The following DNER variants were observed in gnomAD, a reference collection of about 807,000 sequenced individuals.
DNER encodes the protein delta/notch like EGF repeat containing.
DNER carries 33 observed loss-of-function variants against 78.2 expected under a neutral mutation model. That is an observed-to-expected ratio of 0.42 (90% CI 0.32 to 0.56). DNER has a LOEUF of 0.56. Among genes scored for constraint, DNER ranks in the 20% least tolerant of loss-of-function variants. The probability of loss-of-function intolerance (pLI) is 0.11; values close to 1 mark genes in which losing one functional copy is unlikely to be tolerated. For synonymous variants in DNER, 417 were observed against 384.8 expected (o/e 1.08, Z -0.98); for missense variants, 918 against 975.3 (o/e 0.94, Z 0.78).
intron 1 of DNER, among the ~76,000 whole-genome samples, chr2:229,615,559 A>G (rs1698140392): frequency 6.6e-6 from 1 of 152,044 alleles, no homozygotes; most frequent in Non-Finnish European, 1.5e-5. Flanking sequence ...AATACAAAAA[A>G]AAATTAGCCG....
At chr2:229,457,189 T>G (rs1426457904) in intron 7 of DNER, among the ~76,000 whole-genome samples, 2 of 152,114 alleles carry the variant, frequency 1.3e-5, no homozygotes, top group South Asian at 2.1e-4. Context: ...TTAAGCTGAA[T>G]AGAAACAATA....
At chr2:229,451,682 G>A (rs1171195614) in intron 7 of DNER, among the ~76,000 whole-genome samples, 3 of 152,156 alleles carry the variant, frequency 2.0e-5, no homozygotes, top group Non-Finnish European at 1.5e-5. Flanking sequence ...GGCAGAGCTG[G>A]GACACCAAGG....
intron 1 of DNER, among the ~76,000 whole-genome samples, chr2:229,606,978 G>A (rs1205461231): frequency 1.3e-5 from 2 of 151,998 alleles, no homozygotes; most frequent in African/African-American, 4.8e-5. Context: ...TCACAATACA[G>A]GACACATGGG....
intron 6 of DNER, among the ~76,000 whole-genome samples, chr2:229,495,119 T>C (rs6748056): frequency 0.066 from 10,021 of 152,284 alleles, 981 homozygotes; most frequent in African/African-American, 0.22. Flanking sequence ...TCCTTTTCAA[T>C]GCATCTCTCT....
chr2:229,597,105 A>G (rs200891660), intron 1 of DNER, among the ~76,000 whole-genome samples: 2,507 of 63,962 alleles, frequency 0.039, 76 homozygotes, highest in African/African-American at 0.11. Context: ...ACACACATGC[A>G]CACACACATG....
At position 229,377,433 on chromosome 2, in the gene DNER, A is replaced by C. The variant is rs189876891; in HGVS notation, c.1856-10314T>G. Among the ~76,000 whole-genome samples, 276 of 152,328 alleles carry C rather than the reference A, an allele frequency of 1.8e-3. 2 individuals are homozygous for C. Among genetic ancestry groups the C allele is most frequent in the Non-Finnish European group, 7.5e-4 (51 of 68,018 alleles). ...TAGAAATTTTGATTTTTAGACCTTG[A>C]TTCTAGGAAGGCATATTTTCCTTTT... On this transcript the variant is annotated intron_variant, in intron 11 of 12. Transcript: ENST00000341772.
chr2:229,463,665 C>G (rs957908686), intron 7 of DNER, among the ~76,000 whole-genome samples: 2 of 152,152 alleles, frequency 1.3e-5, no homozygotes, highest in Non-Finnish European at 2.9e-5. Context: ...GTCTTGAACT[C>G]CTGCCCTCAA....
At chr2:229,681,391 A>C (rs1222105839) in intron 1 of DNER, among the ~76,000 whole-genome samples, 1 of 152,200 alleles carries the variant, frequency 6.6e-6, no homozygotes, top group African/African-American at 2.4e-5. Context: ...CTGGAAATTA[A>C]TAATAACCAG....
chr2:229,536,725 A>G, intron 5 of DNER, among the ~76,000 whole-genome samples: 1 of 152,226 alleles, frequency 6.6e-6, no homozygotes, highest in East Asian at 1.9e-4. Flanking sequence ...AAAATCTAAG[A>G]ACAATAGTTA....
intron 11 of DNER, among the ~76,000 whole-genome samples, chr2:229,386,149 G>A (rs1415814141): frequency 1.3e-5 from 2 of 152,106 alleles, no homozygotes; most frequent in Non-Finnish European, 2.9e-5. Context: ...AAGAACAGAG[G>A]CCTCAGAAAT....
intron 4 of DNER, among the ~76,000 whole-genome samples, chr2:229,574,408 C>G (rs542229174): frequency 6.6e-6 from 1 of 152,102 alleles, no homozygotes; most frequent in Non-Finnish European, 1.5e-5. Context: ...GAACCCTATA[C>G]CACCACAAAG....
At chr2:229,526,100 C>T (rs1321462786) in intron 5 of DNER, among the ~76,000 whole-genome samples, 2 of 152,170 alleles carry the variant, frequency 1.3e-5, no homozygotes, top group African/African-American at 4.8e-5. Flanking sequence ...CTGGAAGAAA[C>T]TTAACATATC....
At chr2:229,618,549 G>A (rs73998298) in intron 1 of DNER, among the ~76,000 whole-genome samples, 2,528 of 152,220 alleles carry the variant, frequency 0.017, 77 homozygotes, top group African/African-American at 0.057. Flanking sequence ...CATCAGCCTC[G>A]CAAAGCTGGT....
At chr2:229,686,787 C>T (rs1293371891) in intron 1 of DNER, among the ~76,000 whole-genome samples, 1 of 152,204 alleles carries the variant, frequency 6.6e-6, no homozygotes, top group Non-Finnish European at 1.5e-5. Context: ...AACCGTAAGC[C>T]AAACAGGTGG....
chr2:229,576,076 C>T (rs964311346), intron 4 of DNER, among the ~76,000 whole-genome samples: 5 of 151,950 alleles, frequency 3.3e-5, no homozygotes, highest in Admixed American at 1.3e-4. Context: ...TGGTTCTCCC[C>T]GCTACACTCC....
intron 5 of DNER, among the ~76,000 whole-genome samples, chr2:229,545,011 T>C (rs1448781300): frequency 6.6e-6 from 1 of 152,192 alleles, no homozygotes; most frequent in East Asian, 1.9e-4. Context: ...CAAGAAGGCA[T>C]CACCAAAGAA....
chr2:229,563,853 T>C (rs1482041763), intron 4 of DNER, among the ~76,000 whole-genome samples: 2 of 140,100 alleles, frequency 1.4e-5, no homozygotes, highest in East Asian at 4.9e-4. Context: ...ACCACCGTCA[T>C]CATCATCCTC....
chr2:229,600,338 G>A (rs544878389), intron 1 of DNER, among the ~76,000 whole-genome samples: 1 of 152,308 alleles, frequency 6.6e-6, no homozygotes, highest in South Asian at 2.1e-4. Flanking sequence ...TTTGTTATCT[G>A]GCCCTTTAGT....
chr2:229,577,298 C>T (rs1697320025), intron 4 of DNER, among the ~76,000 whole-genome samples: 1 of 152,158 alleles, frequency 6.6e-6, no homozygotes, highest in Non-Finnish European at 1.5e-5. Flanking sequence ...CTTCATGTAA[C>T]TGGGTAGGTC....
Sources: gnomAD v4.1 joint callset for allele counts (sites outside exome capture counted in the v4.1 genomes callset) on GRCh38, gnomAD v4.1.1 for gene constraint, MANE v1.5 for transcripts, NCBI Gene and HGNC (gene_info 2026-07-23, HGNC 2026-07-21) for gene names.